PTPRD: variants seen among roughly 807,000 people sequenced by gnomAD.
The protein encoded by PTPRD is protein tyrosine phosphatase receptor type D.
Under a neutral mutation model 214.5 loss-of-function variants are expected in PTPRD, and 34 were observed. The ratio of observed to expected loss-of-function variants is 0.16; its 90% CI spans 0.12 to 0.21. The LOEUF (loss-of-function observed/expected upper bound fraction) is 0.21. Among genes scored for constraint, PTPRD ranks in the 10% least tolerant of loss-of-function variants. PTPRD has a pLI of 1.00. For missense variants in PTPRD, 2,545 were observed against 2,398.7 expected, an observed-to-expected ratio of 1.06 and a Z score of -1.27; for synonymous variants, 1,128 against 845.7, an observed-to-expected ratio of 1.33 and a Z score of -5.79.
chr9:9,520,083 T>A (rs2096930175), intron 8 of PTPRD, among the ~76,000 whole-genome samples: 1 of 151,948 alleles, frequency 6.6e-6, no homozygotes, highest in South Asian at 2.1e-4. Context: ...TTTTCAAGTG[T>A]TTAGTTTTTG....
intron 9 of PTPRD, among the ~76,000 whole-genome samples, chr9:9,379,420 T>C (rs1343842287): frequency 2.0e-5 from 3 of 151,924 alleles, no homozygotes; most frequent in African/African-American, 4.8e-5. Flanking sequence ...TCCAATACCA[T>C]GCAGTCTCGA....
At chr9:9,857,927 G>GA (rs2061874737) in intron 5 of PTPRD, among the ~76,000 whole-genome samples, 1 of 152,056 alleles carries the variant, frequency 6.6e-6, no homozygotes, top group Non-Finnish European at 1.5e-5. Flanking sequence ...TAAAGTAAAT[G>GA]AAAAAAATTC....
chr9:9,399,384 C>A (rs146116046), intron 8 of PTPRD, among the ~76,000 whole-genome samples: 10 of 152,094 alleles, frequency 6.6e-5, no homozygotes, highest in Non-Finnish European at 1.5e-4. Context: ...ATAGGAGGAA[C>A]ATGACCTAAC....
intron 2 of PTPRD, among the ~76,000 whole-genome samples, chr9:10,472,974 G>C (rs2099040773): frequency 6.6e-6 from 1 of 151,980 alleles, no homozygotes; most frequent in East Asian, 1.9e-4. Context: ...AATACATTAA[G>C]TTTATTTAAT....
At chr9:9,445,153 G>C (rs889977239) in intron 8 of PTPRD, among the ~76,000 whole-genome samples, 1 of 152,150 alleles carries the variant, frequency 6.6e-6, no homozygotes, top group African/African-American at 2.4e-5. Context: ...TTTTAAACTA[G>C]AGATTATTCT....
intron 14 of PTPRD, among the ~76,000 whole-genome samples, chr9:8,632,338 T>C (rs954080555): frequency 6.6e-6 from 1 of 151,734 alleles, no homozygotes. Flanking sequence ...CATCCCTCCA[T>C]GGGGGTAAAA....
intron 7 of PTPRD, among the ~76,000 whole-genome samples, chr9:9,657,693 A>G (rs1308317031): frequency 1.3e-5 from 2 of 152,184 alleles, no homozygotes; most frequent in Non-Finnish European, 2.9e-5. Flanking sequence ...TATTGGCAGA[A>G]TTTTTTTAAA....
chr9:10,573,539 G>C (rs1196692930), intron 2 of PTPRD, among the ~76,000 whole-genome samples: 3 of 152,076 alleles, frequency 2.0e-5, no homozygotes, highest in Non-Finnish European at 1.5e-5. Flanking sequence ...TTCACCAAGA[G>C]ACCAGGGCTC....
chr9:8,741,283 G>C (rs538460664), intron 11 of PTPRD, among the ~76,000 whole-genome samples: 193 of 152,152 alleles, frequency 1.3e-3, no homozygotes, highest in African/African-American at 3.5e-3. Flanking sequence ...GATTTGAAAA[G>C]AAGGATAGCT....
intron 3 of PTPRD, among the ~76,000 whole-genome samples, chr9:10,287,738 C>G (rs927235329): frequency 4.6e-5 from 7 of 152,178 alleles, no homozygotes; most frequent in Middle Eastern, 3.4e-3. Context: ...TCTCTCCCAC[C>G]TTTGATCTCC....
At chr9:8,538,598 C>A (rs576007904) in intron 14 of PTPRD, among the ~76,000 whole-genome samples, 15 of 151,102 alleles carry the variant, frequency 9.9e-5, no homozygotes, top group Non-Finnish European at 3.0e-5. Flanking sequence ...GGTGTGAACA[C>A]CTAGTTTTAA....
At chr9:8,810,954 A>C (rs186433864) in intron 11 of PTPRD, among the ~76,000 whole-genome samples, 1 of 152,090 alleles carries the variant, frequency 6.6e-6, no homozygotes. Context: ...ACACTTTCCA[A>C]CTGTACCTGC....
At chr9:9,495,746 G>A (rs898768005) in intron 8 of PTPRD, among the ~76,000 whole-genome samples, 5 of 152,122 alleles carry the variant, frequency 3.3e-5, no homozygotes. Flanking sequence ...TTGGATGCTG[G>A]ACAAGAGCTC....
At chr9:10,217,480 T>A (rs540133608) in intron 3 of PTPRD, among the ~76,000 whole-genome samples, 3 of 152,066 alleles carry the variant, frequency 2.0e-5, no homozygotes, top group African/African-American at 7.2e-5. Context: ...TCTGTTAACC[T>A]TTTCTCAGCA....
intron 2 of PTPRD, among the ~76,000 whole-genome samples, chr9:10,610,123 G>C (rs1296239301): frequency 6.6e-6 from 1 of 152,062 alleles, no homozygotes; most frequent in Non-Finnish European, 1.5e-5. Flanking sequence ...CAACTTTAAA[G>C]TTGCAACTAC....
chr9:9,236,108 A>T (rs1594230976), intron 9 of PTPRD, among the ~76,000 whole-genome samples: 5 of 152,136 alleles, frequency 3.3e-5, no homozygotes, highest in Admixed American at 3.3e-4. Context: ...TACCAAAAAT[A>T]CAAAAAAGTA....
At chr9:10,083,067 A>G (rs893599066) in intron 3 of PTPRD, among the ~76,000 whole-genome samples, 2 of 151,774 alleles carry the variant, frequency 1.3e-5, no homozygotes, top group Non-Finnish European at 2.9e-5. Flanking sequence ...TCCCATATCT[A>G]TAATGCATTT....
Position 8,598,999 on chromosome 9 carries a change from A to G in PTPRD, c.352+34318T>C, listed in dbSNP as rs114403397. Among the ~76,000 whole-genome samples, 817 of 152,324 alleles carry G rather than the reference A, an allele frequency of 5.4e-3. 6 individuals carry two copies. The highest frequency in any genetic ancestry group is 0.019 in the African/African-American group (777 of 41,566). On this transcript the variant is annotated intron_variant, in intron 14 of 45. Transcript: ENST00000381196. ...TGTCCCCATCCAAATCTCACCTTGA[A>G]TTGTAGCTCCCATAATTATAACGTG...
chr9:8,902,967 G>A (rs1483676654), intron 11 of PTPRD, among the ~76,000 whole-genome samples: 1 of 152,080 alleles, frequency 6.6e-6, no homozygotes, highest in Non-Finnish European at 1.5e-5. Context: ...GGCTTCACAA[G>A]TTTTTGGGAA....
Sources: allele counts gnomAD v4.1 joint callset (sites outside exome capture counted in the v4.1 genomes callset), GRCh38; gene constraint gnomAD v4.1.1; transcripts MANE v1.5; gene names NCBI Gene and HGNC (gene_info 2026-07-23, HGNC 2026-07-21).